Variants in LCOR observed in about 807,000 individuals in gnomAD.
LCOR encodes ligand dependent nuclear receptor corepressor, also known as ligand-dependent corepressor.
LCOR carries 14 observed loss-of-function variants against 64.4 expected under a neutral mutation model. That is an observed-to-expected ratio of 0.22 (90% CI 0.14 to 0.34). The LOEUF is 0.34. Among genes scored for constraint, LCOR ranks in the 10% least tolerant of loss-of-function variants. The pLI is 1.00. For missense variants in LCOR, 1,686 were observed against 1,765.3 expected, an observed-to-expected ratio of 0.96 and a Z score of 0.80; for synonymous variants, 643 against 642.5, an observed-to-expected ratio of 1.00 and a Z score of -0.01.
At position 96,991,022 on chromosome 10, in the gene LCOR, T is replaced by TAAAAAAAAAAAAA. The variant is rs769810945; in HGVS notation, c.*5899_*5911dup. On this transcript the variant is annotated 3_prime_UTR_variant, in exon 8 of 8. Transcript: ENST00000421806. ...TTTTACCCTTTTTTAAAGGGTTATG[T>TAAAAAAAAAAAAA]AAAAAAAAAAAAAAAAAAAAAAAGC... The TAAAAAAAAAAAAA allele has an allele frequency of 6.5e-5, 5 of 77,264 alleles. No homozygotes were observed. Among genetic ancestry groups the TAAAAAAAAAAAAA allele is most frequent in the Admixed American group, 1.5e-4 (1 of 6,658 alleles). 4.8% of individuals were successfully genotyped at this position (77,264 alleles called of 1,614,324 possible).
At chr10:96,955,160 A>G (rs1235933001) in intron 7 of LCOR, 4 of 1,614,098 alleles carry the variant, frequency 2.5e-6, no homozygotes, top group African/African-American at 1.3e-5. Context: ...CATCTGGATT[A>G]CAGAATCATG....
rs201068399 is a variant in LCOR, at chr10:96,981,392, T to C, written c.932T>C (p.Met311Thr). Reference protein sequence around the residue: ...VNICEDGKDHMQSSALVESLI... With the variant: ...VNICEDGKDHTQSSALVESLI... ...ATATGTGAGGATGGTAAAGACCATA[T>C]GCAGAGTTCAGCTTTAGTAGAAAGT... Residue 311 changes from methionine to threonine, a missense_variant, in exon 8 of 8, where the codon ATG (methionine) becomes ACG (threonine). By Grantham distance (81) the Met-to-Thr change is moderately conservative (BLOSUM62 -1). Coordinates refer to ENST00000421806, the MANE Select transcript of LCOR (RefSeq NM_001346516.2). 2.2e-4 allele frequency: 361 copies of C among 1,614,190 alleles called. 5 individuals carry two copies. In the East Asian group the frequency reaches 8.0e-3, roughly 36 times the overall value.
chr10:96,884,553 C>T (rs1443071318), intron 2 of LCOR, among the ~76,000 whole-genome samples: 1 of 152,196 alleles, frequency 6.6e-6, no homozygotes, highest in Non-Finnish European at 1.5e-5. Flanking sequence ...TAGGACAGCA[C>T]TTCTCAAACT....
intron 2 of LCOR, among the ~76,000 whole-genome samples, chr10:96,891,205 T>C (rs772318710): frequency 5.9e-5 from 9 of 152,102 alleles, no homozygotes; most frequent in Non-Finnish European, 8.8e-5. Context: ...ATACTTGTTA[T>C]AGGTCTTTTC....
chr10:96,866,863 A>G (rs1300697897), intron 2 of LCOR, among the ~76,000 whole-genome samples: 1 of 152,122 alleles, frequency 6.6e-6, no homozygotes, highest in Non-Finnish European at 1.5e-5. Flanking sequence ...GACTTCAGCC[A>G]CCGTGCCCAG....
rs1232200317 is a variant in LCOR at position 96,983,973 on chromosome 10, G to C, written c.3513G>C (p.Gln1171His). 1.9e-6 allele frequency: 3 copies of C among 1,614,066 alleles called. No homozygotes were observed. The highest frequency in any genetic ancestry group is 8.5e-7 in the Non-Finnish European group (1 of 1,180,036). Residue 1171 changes from glutamine to histidine, a missense_variant, in exon 8 of 8, where the codon CAG (glutamine) becomes CAC (histidine). Around this residue, in one of 3 missense-constraint regions of LCOR, gnomAD observed 1,293 missense variants for 1,410.4 expected, o/e 0.92. Coordinates refer to ENST00000421806, the MANE Select transcript of LCOR (RefSeq NM_001346516.2). The surrounding 1 kb of genome is among the most constrained non-coding windows in gnomAD (Gnocchi z 4.5). ...SLESQKCSPV[Q>H]MLFMTNFKLS... is the part of the protein sequence containing the mutation. ...AGAGTCAGAAGTGTTCTCCTGTTCAGATGCTCTTTATGACAAACTTTAAAT... is the reference window on the plus strand; with the variant it reads ...AGAGTCAGAAGTGTTCTCCTGTTCACATGCTCTTTATGACAAACTTTAAAT...
At chr10:96,946,851 A>C (rs988556717) in intron 5 of LCOR, among the ~76,000 whole-genome samples, 5 of 152,084 alleles carry the variant, frequency 3.3e-5, no homozygotes, top group African/African-American at 1.2e-4. Context: ...ATGTTTATTA[A>C]TACTACTTAA....
At chr10:96,968,139 C>T (rs1847967271) in intron 7 of LCOR, among the ~76,000 whole-genome samples, 1 of 152,146 alleles carries the variant, frequency 6.6e-6, no homozygotes. Flanking sequence ...TAAGTACATT[C>T]ATGTTGTGAC....
In LCOR at chr10:96,919,481, A is replaced by T. The variant is rs887907643; in HGVS notation, c.-184+11734A>T. Among the ~76,000 whole-genome samples, 10 of 151,584 alleles carry T rather than the reference A, an allele frequency of 6.6e-5. No homozygotes were observed. In the South Asian group the frequency reaches 8.3e-4, roughly 13 times the overall value. On this transcript the variant is annotated intron_variant, in intron 4 of 7. Coordinates refer to ENST00000421806, the MANE Select transcript of LCOR (RefSeq NM_001346516.2). ...GAAATTATTTGCATTTTCTTCATGG[A>T]TTGTATCTTTTTATTTTTTTAAATT... is the stretch of plus-strand genomic sequence containing the variant.
At chr10:96,910,377 T>C (rs951671117) in intron 4 of LCOR, among the ~76,000 whole-genome samples, 8 of 152,268 alleles carry the variant, frequency 5.3e-5, no homozygotes. Flanking sequence ...CGTTAGATAC[T>C]ATATCCTGTC....
At chr10:96,923,650 AAAATT>A (rs528031424) in intron 4 of LCOR, among the ~76,000 whole-genome samples, 11 of 152,364 alleles carry the variant, frequency 7.2e-5, no homozygotes, top group South Asian at 6.2e-4. Flanking sequence ...TTTATTGTTA[AAAATT>A]TAACCATATT....
At chr10:96,874,302 CTT>C (rs1215732036) in intron 2 of LCOR, among the ~76,000 whole-genome samples, 11 of 152,176 alleles carry the variant, frequency 7.2e-5, no homozygotes, top group Admixed American at 7.2e-4. Flanking sequence ...TCCATCCAAT[CTT>C]TGATCTATAT....
At chr10:96,940,134 CAA>C (rs1043287186) in intron 4 of LCOR, among the ~76,000 whole-genome samples, 1 of 151,786 alleles carries the variant, frequency 6.6e-6, no homozygotes. Flanking sequence ...AAAAAGATAA[CAA>C]GTGTTCATGA....
Position 96,984,993 on chromosome 10 carries a change from G to T in LCOR, c.4533G>T (p.Thr1511=). The T allele has an allele frequency of 6.2e-7, 1 of 1,614,134 alleles. No individual in the cohort carries two copies. The change falls in exon 8 of 8, where the codon ACG becomes ACT. Residue 1511 remains threonine (T), a synonymous_variant. Coordinates refer to ENST00000421806, the MANE Select transcript of LCOR (RefSeq NM_001346516.2). ...CCTCTTCAAGGCCTCAGAAAGCCAC[G>T]AATAGGAAGCAGAGTAGTGGAAAGA... ...GESSSRPQKA[T]NRKQSSGKTR... is the part of the protein sequence containing the mutation.
chr10:96,985,223 A>G lies in LCOR; in HGVS notation c.*89A>G, dbSNP rs1483926677. On this transcript the variant is annotated 3_prime_UTR_variant, in exon 8 of 8. Coordinates refer to ENST00000421806, the MANE Select transcript of LCOR (RefSeq NM_001346516.2). ...TAAATCTGCTTTTATAAGCTTATCA[A>G]GCCTTTCAAATTTACAGTTAATGGA... 3.6e-5 allele frequency: 51 copies of G among 1,432,096 alleles called. 1 individual carries two copies. In the South Asian group the frequency reaches 7.3e-4, roughly 20 times the overall value. The allele number at this position is 1,432,096 out of a possible 1,614,324, so 88.7% of individuals were successfully genotyped here.
intron 2 of LCOR, among the ~76,000 whole-genome samples, chr10:96,883,936 A>G (rs1446291568): frequency 6.6e-6 from 1 of 152,232 alleles, no homozygotes; most frequent in African/African-American, 2.4e-5. Context: ...TTCTTAAATA[A>G]TGGATTTTTT....
intron 4 of LCOR, among the ~76,000 whole-genome samples, chr10:96,914,694 C>G (rs568863132): frequency 6.6e-6 from 1 of 152,152 alleles, no homozygotes. Flanking sequence ...ACTATAAAAC[C>G]GAATGAAGTC....
chr10:96,973,195 C>A (rs887111435), intron 7 of LCOR, among the ~76,000 whole-genome samples: 1 of 152,196 alleles, frequency 6.6e-6, no homozygotes, highest in Non-Finnish European at 1.5e-5. Context: ...TTATGAACTT[C>A]ATTTCTCACT....
At chr10:96,913,229 A>T (rs937371297) in intron 4 of LCOR, among the ~76,000 whole-genome samples, 2 of 152,116 alleles carry the variant, frequency 1.3e-5, no homozygotes, top group African/African-American at 4.8e-5. Context: ...CTAGAGTGTC[A>T]TTGCTTTGAA....
Sources: allele counts gnomAD v4.1 joint callset (sites outside exome capture counted in the v4.1 genomes callset), GRCh38; gene constraint gnomAD v4.1.1; regional missense constraint gnomAD v4.1.1; non-coding constraint Gnocchi (gnomAD v3.1); transcripts MANE v1.5; gene names NCBI Gene and HGNC (gene_info 2026-07-23, HGNC 2026-07-21).